UGT2B4: variants seen among roughly 807,000 people sequenced by gnomAD.
UGT2B4 encodes the protein UDP-glucuronosyltransferase 2B4.
In UGT2B4, 49 loss-of-function variants were observed where a neutral mutation model predicts 49.8. The ratio of observed to expected loss-of-function variants is 0.98; its 90% CI spans 0.78 to 1.25. The LOEUF (loss-of-function observed/expected upper bound fraction) is 1.25, where lower values mean the gene tolerates loss of function less well. Among genes scored for constraint, UGT2B4 ranks in the 50% most tolerant of loss-of-function variants. The pLI is 0.00. For synonymous variants in UGT2B4, 246 were observed against 217.7 expected (o/e 1.13, Z -1.14); for missense variants, 729 against 627.7 (o/e 1.16, Z -1.73).
chr4:69,486,100 G>A (rs935843410), intron 4 of UGT2B4, among the ~76,000 whole-genome samples: 8 of 152,232 alleles, frequency 5.3e-5, no homozygotes, highest in Admixed American at 2.0e-4. Context: ...AGTGTGATAT[G>A]TAGGGTGTGC....
chr4:69,497,295 A>G (rs556336648), upstream of UGT2B4, among the ~76,000 whole-genome samples: 44 of 152,256 alleles, frequency 2.9e-4, 1 homozygote, highest in Admixed American at 2.9e-3. Context: ...TATCTTCATT[A>G]TCCTGACTAA....
upstream of UGT2B4, among the ~76,000 whole-genome samples, chr4:69,496,247 G>A (rs116043851): frequency 4.3e-3 from 655 of 151,220 alleles, 6 homozygotes; most frequent in African/African-American, 0.014. Context: ...GGATGGTCTC[G>A]AACCCCTGAC....
upstream of UGT2B4, among the ~76,000 whole-genome samples, chr4:69,500,036 A>T (rs577150642): frequency 6.6e-6 from 1 of 152,346 alleles, no homozygotes; most frequent in Non-Finnish European, 1.5e-5. Context: ...AAAATGTGGT[A>T]CATATACACT....
chr4:69,516,788 A>G (rs1728745343), intron 1 of UGT2B4, among the ~76,000 whole-genome samples: 1 of 151,716 alleles, frequency 6.6e-6, no homozygotes. Flanking sequence ...TTGTATTTTT[A>G]GTAGAGATGG....
In UGT2B4 at chr4:69,480,846, G is replaced by T. The variant is rs13142440; in HGVS notation, c.1375C>A (p.Arg459=). ...HHDQPVKPLD[R]AVFWIEFVMR... is the part of the protein sequence containing the mutation. Reference sequence around the variant, plus strand: ...ACAAATTCAATCCAGAAGACTGCTCGATCAAGGGGCTTCACTGGTTGATCA... The same window carrying T: ...ACAAATTCAATCCAGAAGACTGCTCTATCAAGGGGCTTCACTGGTTGATCA... The change falls in exon 6 of 6, where the codon CGA becomes AGA. Residue 459 remains arginine, a synonymous_variant. Coordinates refer to ENST00000305107, the MANE Select transcript of UGT2B4 (RefSeq NM_021139.3). 365,453 of 1,613,480 alleles carry T rather than the reference G, an allele frequency of 0.23. 44,667 individuals are homozygous for T. Among genetic ancestry groups the T allele is most frequent in the Admixed American group, 0.27 (16,204 of 59,970 alleles).
chr4:69,481,091 GAAAAAAAAA>G (rs57494102), intron 5 of UGT2B4, among the ~76,000 whole-genome samples, 181 bp from the exon 6 acceptor site: 8 of 67,824 alleles, frequency 1.2e-4, no homozygotes, highest in African/African-American at 3.5e-4. Flanking sequence ...GTAAAAATAT[GAAAAAAAAA>G]AAAAAAAAAA....
chr4:69,487,099 G>T (rs1727811378), intron 3 of UGT2B4, among the ~76,000 whole-genome samples: 1 of 152,162 alleles, frequency 6.6e-6, no homozygotes, highest in Non-Finnish European at 1.5e-5. Flanking sequence ...TGCTTGTGAT[G>T]TTGTATAGAA....
chr4:69,524,721 T>G (rs1728934607), intron 1 of UGT2B4, among the ~76,000 whole-genome samples: 1 of 151,780 alleles, frequency 6.6e-6, no homozygotes, highest in Non-Finnish European at 1.5e-5. Flanking sequence ...CCCAAATATC[T>G]GCAAAGCATG....
intron 5 of UGT2B4, among the ~76,000 whole-genome samples, chr4:69,484,315 A>G (rs58414570): frequency 0.03 from 4,621 of 152,254 alleles, 217 homozygotes; most frequent in African/African-American, 0.1. Flanking sequence ...AAGAAATGAA[A>G]TCACGTTCAT....
At chr4:69,514,790 C>T (rs549275178) in intron 1 of UGT2B4, among the ~76,000 whole-genome samples, 3 of 152,058 alleles carry the variant, frequency 2.0e-5, no homozygotes, top group Admixed American at 1.3e-4. Context: ...ACCACCCTTA[C>T]AGACACATCT....
At chr4:69,483,125 T>C (rs985145461) in intron 5 of UGT2B4, among the ~76,000 whole-genome samples, 1 of 152,162 alleles carries the variant, frequency 6.6e-6, no homozygotes, top group African/African-American at 2.4e-5. Context: ...TAATTATGAT[T>C]TACTTTTTTA....
chr4:69,501,536 C>T (rs1468924957), intron 1 of UGT2B4, among the ~76,000 whole-genome samples: 1 of 152,100 alleles, frequency 6.6e-6, no homozygotes, highest in Non-Finnish European at 1.5e-5. Context: ...AAAGTGATAG[C>T]CCAGCACAGC....
intron 3 of UGT2B4, among the ~76,000 whole-genome samples, chr4:69,487,583 G>T (rs1407713071): frequency 6.6e-6 from 1 of 151,904 alleles, no homozygotes; most frequent in African/African-American, 2.4e-5. Context: ...CATACACTGG[G>T]GCTTATTGGA....
Position 69,480,596 on chromosome 4 carries a change from C to T in UGT2B4, c.*38G>A. On this transcript the variant is annotated 3_prime_UTR_variant, in exon 6 of 6. Coordinates refer to ENST00000305107, the MANE Select transcript of UGT2B4 (RefSeq NM_021139.3). Reference sequence around the variant, plus strand: ...CTTGTTGTAATAAACTAAAGGAGTTCATTTATTGGGTTTCCCAGCTTCCAG... The same window carrying T: ...CTTGTTGTAATAAACTAAAGGAGTTTATTTATTGGGTTTCCCAGCTTCCAG... 6.3e-7 allele frequency: 1 copy of T among 1,597,350 alleles called. No individual in the cohort carries two copies. The highest frequency in any genetic ancestry group is 8.5e-7 in the Non-Finnish European group (1 of 1,171,074).
upstream of UGT2B4, among the ~76,000 whole-genome samples, chr4:69,500,566 A>AAAGAAAGC (rs1234236770): frequency 3.0e-4 from 41 of 137,066 alleles, no homozygotes; most frequent in South Asian, 1.2e-3. Flanking sequence ...GAAAGCAAGA[A>AAAGAAAGC]AAGAAAGCAA....
chr4:69,504,885 A>G (rs1046986889), intron 1 of UGT2B4, among the ~76,000 whole-genome samples: 1 of 152,214 alleles, frequency 6.6e-6, no homozygotes, highest in Non-Finnish European at 1.5e-5. Flanking sequence ...AGGGAAGCCC[A>G]TAAAACTAAC....
At chr4:69,490,577 G>A (rs1474397062) in intron 2 of UGT2B4, among the ~76,000 whole-genome samples, 4 of 152,114 alleles carry the variant, frequency 2.6e-5, no homozygotes, top group South Asian at 2.1e-4. Context: ...CCCAATGTAC[G>A]CCAATTTTGA....
intron 2 of UGT2B4, among the ~76,000 whole-genome samples, chr4:69,492,557 T>C (rs1728021707): frequency 6.6e-6 from 1 of 152,098 alleles, no homozygotes. Flanking sequence ...CATAGGACTT[T>C]GTTAGAGAAT....
At chr4:69,515,144 CCTTAA>C (rs1001690769) in intron 1 of UGT2B4, among the ~76,000 whole-genome samples, 2 of 152,048 alleles carry the variant, frequency 1.3e-5, no homozygotes, top group African/African-American at 4.8e-5. Flanking sequence ...GTATTAAGGG[CCTTAA>C]CTTAACTTTG....
Sources: allele counts gnomAD v4.1 joint callset (sites outside exome capture counted in the v4.1 genomes callset), GRCh38; gene constraint gnomAD v4.1.1; transcripts MANE v1.5; gene names NCBI Gene and HGNC (gene_info 2026-07-23, HGNC 2026-07-21).